The following TMEM229B variants were observed in gnomAD, a reference collection of about 807,000 sequenced individuals.
The protein encoded by TMEM229B is chromosome 14 open reading frame 83.
Under a neutral mutation model 13.7 loss-of-function variants are expected in TMEM229B, and 6 were observed. That is an observed-to-expected ratio of 0.44 (90% CI 0.24 to 0.86). The LOEUF is 0.86. Ranked by LOEUF, TMEM229B falls within the 40% of genes least tolerant of loss-of-function variation. The pLI is 0.23. For missense variants in TMEM229B, 170 were observed against 236.0 expected (o/e 0.72, Z 1.83); for synonymous variants, 107 against 102.1 (o/e 1.05, Z -0.29).
chr14:67,474,969 G>T (rs1255962608), intron 2 of TMEM229B, among the ~76,000 whole-genome samples: 1 of 143,008 alleles, frequency 7.0e-6, no homozygotes, highest in Non-Finnish European at 1.5e-5. Flanking sequence ...AGGCTGGAGT[G>T]CAGTGGCGCA....
chr14:67,482,628 C>T lies in TMEM229B; in HGVS notation c.-19+4372G>A, dbSNP rs553247819. Among the ~76,000 whole-genome samples the T allele has an allele frequency of 4.6e-5, 7 of 152,338 alleles. No homozygotes were observed. The East Asian group carries it at 5.8e-4, about 13-fold the overall frequency. On this transcript the variant is annotated intron_variant, in intron 2 of 2. Coordinates refer to ENST00000554480, the MANE Select transcript of TMEM229B (RefSeq NM_001348543.2). ...GGGGACAGCTTCAGGAGCCCTTGGG[C>T]GGCTCTGTGCTGAAGATAAGTGGCT...
chr14:67,518,847 C>G (rs2033247301), upstream of TMEM229B, among the ~76,000 whole-genome samples: 1 of 152,116 alleles, frequency 6.6e-6, no homozygotes, highest in South Asian at 2.1e-4. Context: ...GAGGAACTGA[C>G]CTGCAGCCCG....
Position 67,473,482 on chromosome 14 carries a change from C to G in TMEM229B, c.442G>C (p.Ala148Pro). The change falls in exon 3 of 3, where the codon GCT (alanine) becomes CCT (proline). Residue 148 changes from alanine (A) to proline (P), a missense_variant. Coordinates refer to ENST00000554480, the MANE Select transcript of TMEM229B (RefSeq NM_001348543.2). The surrounding 1 kb of genome is among the most constrained non-coding windows in gnomAD (Gnocchi z 6.5). ...NTLRLRFDKD[A>P]EPGEPSGALA... ...GCGCCGCTGGGCTCCCCGGGCTCAG[C>G]GTCCTTGTCGAAGCGGAGGCGGAGG... 1 of 1,614,188 alleles carries G rather than the reference C, an allele frequency of 6.2e-7. No individual in the cohort carries two copies. Among genetic ancestry groups the G allele is most frequent in the South Asian group, 1.1e-5 (1 of 91,088 alleles).
chr14:67,497,513 C>G (rs926745727), intron 1 of TMEM229B, among the ~76,000 whole-genome samples: 2 of 152,088 alleles, frequency 1.3e-5, no homozygotes, highest in African/African-American at 2.4e-5. Context: ...GCAATTCCCA[C>G]GTGACCAACA....
rs542960771 is a variant in TMEM229B, at chr14:67,528,264, T to C, written c.-192+5372A>G. Reference sequence around the variant, plus strand: ...AAAGCTGGAATTTGAACTCTGGAAGTTGAACCCCACTGTCAGCATGAAAAC... The same window carrying C: ...AAAGCTGGAATTTGAACTCTGGAAGCTGAACCCCACTGTCAGCATGAAAAC... On this transcript the variant is annotated intron_variant, in intron 1 of 2. Coordinates refer to the TMEM229B transcript ENST00000554278. Among the ~76,000 whole-genome samples the C allele has an allele frequency of 8.5e-5, 13 of 152,264 alleles. No homozygotes were observed. The East Asian group carries it at 2.5e-3, about 29-fold the overall frequency.
At chr14:67,479,451 C>T (rs1357390088) in intron 2 of TMEM229B, among the ~76,000 whole-genome samples, 2 of 148,348 alleles carry the variant, frequency 1.3e-5, no homozygotes, top group Non-Finnish European at 3.0e-5. Context: ...GGTGCAGTAG[C>T]TCATGCCTGT....
At chr14:67,526,518 C>G (rs2033369919) in intron 1 of TMEM229B, among the ~76,000 whole-genome samples, 1 of 152,226 alleles carries the variant, frequency 6.6e-6, no homozygotes, top group Admixed American at 6.5e-5. Context: ...TTTTCCTAGT[C>G]TTTTATACAT....
Position 67,521,592 on chromosome 14 carries a change from G to A in TMEM229B, c.-192+12044C>T, listed in dbSNP as rs553169589. 3.9e-5 allele frequency among the ~76,000 whole-genome samples: 6 copies of A among 152,256 alleles called. No homozygotes were observed. The East Asian group carries it at 9.6e-4, about 24-fold the overall frequency. On this transcript the variant is annotated intron_variant, in intron 1 of 2. Transcript: ENST00000554278. ...ATCAAAAAGAAAATCCAGTGGATAA[G>A]GACTATGCAGTATTCATGAACACCT...
At chr14:67,476,744 CT>C (rs1471694793) in intron 2 of TMEM229B, among the ~76,000 whole-genome samples, 1 of 152,148 alleles carries the variant, frequency 6.6e-6, no homozygotes, top group Admixed American at 6.5e-5. Flanking sequence ...GAACCAATAT[CT>C]CTTGCTTTCT....
At chr14:67,488,133 G>A (rs2031982708) in intron 1 of TMEM229B, among the ~76,000 whole-genome samples, 1 of 152,228 alleles carries the variant, frequency 6.6e-6, no homozygotes, top group African/African-American at 2.4e-5. Context: ...ACAGTATGTG[G>A]CTGGGGGTGG....
chr14:67,502,762 A>G (rs893106032), intron 1 of TMEM229B, among the ~76,000 whole-genome samples: 1 of 152,082 alleles, frequency 6.6e-6, no homozygotes, highest in South Asian at 2.1e-4. Context: ...CCAGAAGGTG[A>G]TTTCTAAAGG....
chr14:67,533,051 T>C (rs1035115561), intron 1 of TMEM229B, among the ~76,000 whole-genome samples: 1 of 152,098 alleles, frequency 6.6e-6, no homozygotes, highest in African/African-American at 2.4e-5. Context: ...AGTGGGAGGC[T>C]GGAGCCTGCT....
At chr14:67,521,655 T>C (rs148770913) in intron 1 of TMEM229B, among the ~76,000 whole-genome samples, 1 of 152,360 alleles carries the variant, frequency 6.6e-6, no homozygotes, top group East Asian at 1.9e-4. Flanking sequence ...TCTGTGATCA[T>C]GTGAATTCAT....
intron 1 of TMEM229B, among the ~76,000 whole-genome samples, chr14:67,533,149 A>AGGAG (rs534062910): frequency 6.6e-6 from 1 of 151,354 alleles, no homozygotes; most frequent in African/African-American, 2.4e-5. Flanking sequence ...AGCCGAGGGG[A>AGGAG]GGAGGGCGCC....
intron 1 of TMEM229B, among the ~76,000 whole-genome samples, chr14:67,508,771 A>AAAAAAAAAAAAAAAAAG (rs2032927333): frequency 6.7e-6 from 1 of 149,626 alleles, no homozygotes; most frequent in Admixed American, 6.7e-5. Flanking sequence ...AAAAAAAAAA[A>AAAAAAAAAAAAAAAAAG]CAGAAGACAA....
At chr14:67,529,386 T>G (rs756017171) in intron 1 of TMEM229B, among the ~76,000 whole-genome samples, 2 of 152,048 alleles carry the variant, frequency 1.3e-5, no homozygotes, top group African/African-American at 2.4e-5. Flanking sequence ...GTGCCCAGAG[T>G]TGATAGGTCA....
chr14:67,493,693 T>C (rs1254276059), upstream of TMEM229B, among the ~76,000 whole-genome samples: 1 of 152,118 alleles, frequency 6.6e-6, no homozygotes, highest in Non-Finnish European at 1.5e-5. Context: ...ATTCCCCTGG[T>C]TCTGTGATTG....
At chr14:67,482,465 C>T (rs1053094567) in intron 2 of TMEM229B, among the ~76,000 whole-genome samples, 3 of 152,138 alleles carry the variant, frequency 2.0e-5, no homozygotes, top group African/African-American at 4.8e-5. Context: ...CCCATGCAAC[C>T]GGGCTGGGAA....
At chr14:67,506,456 A>G (rs2032829219) in intron 1 of TMEM229B, among the ~76,000 whole-genome samples, 2 of 152,210 alleles carry the variant, frequency 1.3e-5, no homozygotes, top group African/African-American at 4.8e-5. Flanking sequence ...AAACATAGCT[A>G]TTAAAATGAA....
Sources: allele counts gnomAD v4.1 joint callset (sites outside exome capture counted in the v4.1 genomes callset), GRCh38; gene constraint gnomAD v4.1.1; non-coding constraint Gnocchi (gnomAD v3.1); transcripts MANE v1.5; gene names NCBI Gene and HGNC (gene_info 2026-07-23, HGNC 2026-07-21).